OXR1: variants seen among roughly 807,000 people sequenced by gnomAD.
OXR1 encodes oxidation resistance protein 1.
In OXR1, 41 loss-of-function variants were observed where a neutral mutation model predicts 104.6. The ratio of observed to expected loss-of-function variants is 0.39; its 90% CI spans 0.31 to 0.51. OXR1 has a LOEUF of 0.51. Among genes scored for constraint, OXR1 ranks in the 20% least tolerant of loss-of-function variants. The pLI, the probability that OXR1 is intolerant of heterozygous loss-of-function variation, is 0.77. For missense variants in OXR1, 955 were observed against 1,031.9 expected (o/e 0.93, Z 1.02); for synonymous variants, 348 against 348.4 (o/e 1.00, Z 0.01).
chr8:106,690,970 A>G (rs1829215010), intron 6 of OXR1, among the ~76,000 whole-genome samples: 1 of 152,002 alleles, frequency 6.6e-6, no homozygotes, highest in African/African-American at 2.4e-5. Flanking sequence ...GAGGAAAAAT[A>G]CAATAAAGCC....
In OXR1 at chr8:106,320,634, C is replaced by T. The variant is rs193093955; in HGVS notation, c.-138-38842C>T. Among the ~76,000 whole-genome samples the T allele has an allele frequency of 1.8e-4, 27 of 151,874 alleles. No individual in the cohort carries two copies. In the East Asian group the frequency reaches 4.3e-3, roughly 24 times the overall value. On this transcript the variant is annotated intron_variant, in intron 1 of 16. Coordinates refer to ENST00000517566, the MANE Select transcript of OXR1 (RefSeq NM_001198533.2). ...ACCCTGTGTTTTTAATTCTTATTTTCTCCCATCTCTTTTCTCTTCTCTTTT... is the reference window on the plus strand; with the variant it reads ...ACCCTGTGTTTTTAATTCTTATTTTTTCCCATCTCTTTTCTCTTCTCTTTT...
intron 3 of OXR1, among the ~76,000 whole-genome samples, chr8:106,581,464 A>G (rs530058926): frequency 2.0e-5 from 3 of 152,224 alleles, no homozygotes; most frequent in South Asian, 4.1e-4. Flanking sequence ...TGAGAAAAGA[A>G]TATGTGTGTT....
chr8:106,573,194 A>G (rs545532176), intron 3 of OXR1, among the ~76,000 whole-genome samples: 102 of 152,252 alleles, frequency 6.7e-4, no homozygotes, highest in Middle Eastern at 3.4e-3. Flanking sequence ...CAAGGGCAAT[A>G]TGGTTTACTC....
intron 11 of OXR1, among the ~76,000 whole-genome samples, chr8:106,733,848 A>G (rs866686946): frequency 6.9e-6 from 1 of 145,484 alleles, no homozygotes; most frequent in Admixed American, 6.8e-5. Flanking sequence ...AAAAGAAAAG[A>G]AAAAAAAAAG....
intron 3 of OXR1, among the ~76,000 whole-genome samples, chr8:106,620,010 G>T (rs1276403551): frequency 6.6e-6 from 1 of 152,036 alleles, no homozygotes; most frequent in Admixed American, 6.6e-5. Flanking sequence ...AAGTGGATCT[G>T]CTGTCTTCAG....
chr8:106,598,053 G>A (rs1300508030), intron 3 of OXR1, among the ~76,000 whole-genome samples: 1 of 152,108 alleles, frequency 6.6e-6, no homozygotes, highest in Non-Finnish European at 1.5e-5. Context: ...TCTGAGTCCA[G>A]GGCCTTCCCC....
chr8:106,428,608 C>CT (rs36049400), intron 2 of OXR1, among the ~76,000 whole-genome samples: 37,753 of 139,082 alleles, frequency 0.27, 4,856 homozygotes, highest in South Asian at 0.39. Flanking sequence ...CTGCCAATGT[C>CT]TTTTTTTTTT....
In OXR1 at chr8:106,415,579, G is replaced by GAGC. The variant is rs1554571058; in HGVS notation, c.23+55945_23+55946insCAG. On this transcript the variant is annotated intron_variant, in intron 2 of 16. Transcript: ENST00000517566. ...AGACTGAGAGTGAGACTGAGAGAGA[G>GAGC]AGAGAGACAGAGAGACAGAGAGGGA... 2.6e-4 allele frequency among the ~76,000 whole-genome samples: 39 copies of GAGC among 150,586 alleles called. 1 individual carries two copies. In the East Asian group the frequency reaches 7.2e-3, roughly 28 times the overall value.
chr8:106,276,523 C>A (rs1041625609), intron 1 of OXR1, among the ~76,000 whole-genome samples: 4 of 152,108 alleles, frequency 2.6e-5, no homozygotes, highest in African/African-American at 9.7e-5. Context: ...ACTTTTATTT[C>A]TTCATCTTTA....
At chr8:106,675,858 A>T (rs958428334) in intron 3 of OXR1, among the ~76,000 whole-genome samples, 10 of 152,052 alleles carry the variant, frequency 6.6e-5, no homozygotes, top group African/African-American at 2.4e-4. Context: ...TTTCTGTCTC[A>T]GTGATCTGTC....
At position 106,324,524 on chromosome 8, in the gene OXR1, G is replaced by T. The variant is rs75819246; in HGVS notation, c.-138-34952G>T. ...CAAACCTAAAATATTTTTTTTAAAG[G>T]AAAGGAGGTTCTATACAAAAAAAGA... On this transcript the variant is annotated intron_variant, in intron 1 of 16. Transcript: ENST00000517566. 2.4e-4 allele frequency among the ~76,000 whole-genome samples: 36 copies of T among 146,946 alleles called. No homozygotes were observed. In the East Asian group the frequency reaches 6.6e-3, roughly 27 times the overall value.
intron 3 of OXR1, among the ~76,000 whole-genome samples, chr8:106,544,977 C>T (rs1445461434): frequency 2.0e-5 from 3 of 152,124 alleles, no homozygotes; most frequent in Non-Finnish European, 2.9e-5. Context: ...GGAAGTTTGA[C>T]ATTAGACTTT....
intron 1 of OXR1, among the ~76,000 whole-genome samples, chr8:106,335,170 C>T (rs571820755): frequency 4.5e-4 from 69 of 152,220 alleles, no homozygotes; most frequent in Non-Finnish European, 8.1e-4. Context: ...TATTTTCTCC[C>T]TCATCTATGG....
intron 7 of OXR1, 30 bp downstream of exon 7, chr8:106,692,907 T>C (rs376964848): frequency 4.7e-6 from 7 of 1,495,872 alleles, no homozygotes; most frequent in Non-Finnish European, 6.4e-6. Context: ...AGAAGACCTT[T>C]AATCATGCTT....
At chr8:106,452,211 A>C (rs769049645) in intron 2 of OXR1, among the ~76,000 whole-genome samples, 9 of 152,182 alleles carry the variant, frequency 5.9e-5, no homozygotes, top group Non-Finnish European at 1.3e-4. Context: ...CGAACTCCAC[A>C]AATATCCAGA....
chr8:106,421,604 C>T (rs2022968), intron 2 of OXR1, among the ~76,000 whole-genome samples: 17,756 of 152,150 alleles, frequency 0.12, 1,487 homozygotes, highest in East Asian at 0.42. Flanking sequence ...CTTCCATATG[C>T]TTCTCACATA....
intron 1 of OXR1, among the ~76,000 whole-genome samples, chr8:106,317,587 G>T (rs1272746477): frequency 6.6e-6 from 1 of 151,912 alleles, no homozygotes; most frequent in Admixed American, 6.6e-5. Context: ...CTTCATCTCC[G>T]AGGTGACTTT....
chr8:106,445,260 G>C (rs1043232745), intron 2 of OXR1, among the ~76,000 whole-genome samples: 1 of 152,160 alleles, frequency 6.6e-6, no homozygotes, highest in African/African-American at 2.4e-5. Context: ...GCTTTATGTA[G>C]CATGAAATAC....
chr8:106,669,208 A>C (rs189370455), intron 3 of OXR1, among the ~76,000 whole-genome samples: 27 of 152,314 alleles, frequency 1.8e-4, no homozygotes, highest in African/African-American at 5.8e-4. Context: ...GATAAAAAAA[A>C]AGTGGAAAAG....
Sources: allele counts gnomAD v4.1 joint callset (sites outside exome capture counted in the v4.1 genomes callset), GRCh38; gene constraint gnomAD v4.1.1; transcripts MANE v1.5; gene names NCBI Gene and HGNC (gene_info 2026-07-23, HGNC 2026-07-21).